Variants in STS observed in about 807,000 individuals in gnomAD.
The protein encoded by STS is steroid sulfatase.
STS carries 7 observed loss-of-function variants against 26.8 expected under a neutral mutation model. The observed-to-expected ratio is 0.26, with a 90% CI of 0.15 to 0.49. The LOEUF (loss-of-function observed/expected upper bound fraction) is 0.49, where lower values mean the gene tolerates loss of function less well. STS is among the 20% of genes least tolerant of loss of function. The probability of loss-of-function intolerance (pLI) is 0.98; values close to 1 mark genes in which losing one functional copy is unlikely to be tolerated. For synonymous variants in STS, 199 were observed against 189.4 expected (o/e 1.05, Z -0.42); for missense variants, 434 against 465.6 (o/e 0.93, Z 0.63).
chrX:7,330,302 A>G (rs554073404), intron 9 of STS, among the ~76,000 whole-genome samples: 2 of 112,082 alleles, frequency 1.8e-5, no homozygotes, highest in South Asian at 7.5e-4. Flanking sequence ...TTGCCATAGT[A>G]TGAGTATGAC....
intron 1 of STS, among the ~76,000 whole-genome samples, chrX:7,148,376 A>G (rs1372781905): frequency 1.8e-5 from 2 of 112,640 alleles, no homozygotes; most frequent in African/African-American, 6.4e-5. Flanking sequence ...ACCCGCATCA[A>G]TTCCTCCTCA....
At chrX:7,312,589 G>A (rs1419598934) in intron 8 of STS, among the ~76,000 whole-genome samples, 1 of 111,002 alleles carries the variant, frequency 9.0e-6, no homozygotes, top group Non-Finnish European at 1.9e-5. Context: ...ATGGGGGCGG[G>A]TCTTTCCTGT....
chrX:7,251,450 G>A (rs1315227979), intron 2 of STS, among the ~76,000 whole-genome samples: 1 of 111,109 alleles, frequency 9.0e-6, no homozygotes, highest in African/African-American at 3.3e-5. Flanking sequence ...CTGTCTGCAT[G>A]CACCAAGGCT....
chrX:7,149,113 C>T (rs1301949067), intron 1 of STS, among the ~76,000 whole-genome samples: 1 of 111,148 alleles, frequency 9.0e-6, no homozygotes, highest in African/African-American at 3.3e-5. Context: ...GTGTGCTGGG[C>T]GCAGTGGCCC....
chrX:7,167,289 C>A (rs1386120065), intron 1 of STS, among the ~76,000 whole-genome samples: 4 of 111,423 alleles, frequency 3.6e-5, no homozygotes, highest in African/African-American at 9.8e-5. Context: ...GATTGAGGCT[C>A]ACTGCAACCT....
intron 2 of STS, among the ~76,000 whole-genome samples, chrX:7,201,149 A>G (rs919632162): frequency 9.0e-6 from 1 of 111,607 alleles, no homozygotes; most frequent in East Asian, 2.8e-4. Context: ...ATAGGCAGAC[A>G]GATATGTAGA....
intron 8 of STS, 109 bp from the exon 9 acceptor site, chrX:7,325,230 A>T (rs1316755070): frequency 1.2e-6 from 1 of 801,424 alleles, no homozygotes; most frequent in Non-Finnish European, 1.9e-6. Context: ...GAATCTATGT[A>T]ATTAGAGCAG....
chrX:7,332,331 TA>T lies in STS; in HGVS notation c.1242-1640del, dbSNP rs769894823. 6.3e-3 allele frequency among the ~76,000 whole-genome samples: 536 copies of T among 85,035 alleles called. 2 individuals carry two copies. The highest frequency in any genetic ancestry group is 0.015 in the African/African-American group (329 of 22,689). The allele number at this position is 85,035 out of a possible 115,157, so 73.8% of individuals were successfully genotyped here. A position where few individuals can be genotyped will look rare whatever the true frequency, so the allele number is the denominator to read the frequency against. On this transcript the variant is annotated intron_variant, in intron 9 of 10. Transcript: ENST00000674429. ...GGATGTCAGAGCAAGACCTTGTCTCTAAAAAAAAAAAAAAATCGAAAAATAC... is the reference window on the plus strand; with the variant it reads ...GGATGTCAGAGCAAGACCTTGTCTCTAAAAAAAAAAAAAATCGAAAAATAC...
chrX:7,346,281 A>T (rs1333639490), intron 10 of STS, among the ~76,000 whole-genome samples: 13 of 111,315 alleles, frequency 1.2e-4, no homozygotes, highest in African/African-American at 4.2e-4. Flanking sequence ...GTTTCACCAG[A>T]TGGGTGATGA....
chrX:7,286,565 G>A (rs1377839906), intron 7 of STS, among the ~76,000 whole-genome samples: 3 of 111,058 alleles, frequency 2.7e-5, no homozygotes, highest in African/African-American at 9.8e-5. Flanking sequence ...TTCCATTACA[G>A]ACCACTGTTT....
At chrX:7,348,607 C>T (rs905945967) in intron 10 of STS, among the ~76,000 whole-genome samples, 1 of 111,609 alleles carries the variant, frequency 9.0e-6, no homozygotes, top group African/African-American at 3.3e-5. Flanking sequence ...TAACATTGTC[C>T]GATAAGTAGG....
At chrX:7,323,900 C>T (rs985758615) in intron 8 of STS, among the ~76,000 whole-genome samples, 1 of 110,638 alleles carries the variant, frequency 9.0e-6, no homozygotes, top group East Asian at 2.9e-4. Context: ...CATCTTCCAG[C>T]CTCTCTCTGT....
intron 2 of STS, chrX:7,219,623 G>T: frequency 8.3e-7 from 1 of 1,210,734 alleles, no homozygotes; most frequent in East Asian, 3.0e-5. Context: ...AAGTGAAGTT[G>T]CAATCTCCTC....
chrX:7,215,051 ACG>A (rs1197672798), intron 2 of STS, among the ~76,000 whole-genome samples: 15 of 89,246 alleles, frequency 1.7e-4, no homozygotes, highest in African/African-American at 4.9e-4. Flanking sequence ...ACATATATAT[ACG>A]TATATATGTA....
At chrX:7,217,239 AG>A (rs1474024531) in intron 2 of STS, among the ~76,000 whole-genome samples, 1 of 111,033 alleles carries the variant, frequency 9.0e-6, no homozygotes, top group Non-Finnish European at 1.9e-5. Context: ...GAACAGATGG[AG>A]GGGGGGTCCA....
intron 7 of STS, among the ~76,000 whole-genome samples, chrX:7,280,629 G>A (rs917896320): frequency 1.1e-4 from 12 of 111,702 alleles, no homozygotes; most frequent in African/African-American, 3.9e-4. Context: ...CATGGTTGGG[G>A]GTCAGGTGGA....
At chrX:7,279,548 A>T (rs962016226) in intron 7 of STS, among the ~76,000 whole-genome samples, 4 of 107,814 alleles carry the variant, frequency 3.7e-5, no homozygotes, top group Non-Finnish European at 5.7e-5. Flanking sequence ...GGATACAGGA[A>T]CAGAGATTAT....
chrX:7,250,760 T>C (rs1923101705), intron 2 of STS, among the ~76,000 whole-genome samples: 1 of 112,535 alleles, frequency 8.9e-6, no homozygotes, highest in African/African-American at 3.2e-5. Flanking sequence ...AGTATTTGGA[T>C]ATACAGTCTC....
In STS at chrX:7,351,099, T is replaced by A. The variant is rs1928777677; in HGVS notation, c.*838T>A. Reference sequence around the variant, plus strand: ...CCTGAACTGCTTTCCATTCCATAATTTGTAGTATAATTCTTGGATTCCACT... The same window carrying A: ...CCTGAACTGCTTTCCATTCCATAATATGTAGTATAATTCTTGGATTCCACT... On this transcript the variant is annotated 3_prime_UTR_variant, in exon 11 of 11. Transcript: ENST00000674429. The A allele has an allele frequency of 8.9e-6, 1 of 112,165 alleles. No individual in the cohort carries two copies. The highest frequency in any genetic ancestry group is 1.9e-5 in the Non-Finnish European group (1 of 53,235). The allele number at this position is 112,165 out of a possible 1,213,427, so 9.2% of individuals were successfully genotyped here.
Sources: allele counts gnomAD v4.1 joint callset (sites outside exome capture counted in the v4.1 genomes callset), GRCh38; gene constraint gnomAD v4.1.1; transcripts MANE v1.5; gene names NCBI Gene and HGNC (gene_info 2026-07-23, HGNC 2026-07-21).